Variants in DOCK8 observed in about 807,000 individuals in gnomAD.
DOCK8 encodes the protein dedicator of cytokinesis protein 8.
In DOCK8, 141 loss-of-function variants were observed where a neutral mutation model predicts 245.6. The ratio of observed to expected loss-of-function variants is 0.57; its 90% confidence interval spans 0.50 to 0.66. DOCK8 has a LOEUF of 0.66. Among genes scored for constraint, DOCK8 ranks in the 30% least tolerant of loss-of-function variants. DOCK8 has a pLI of 0.00. For synonymous variants in DOCK8, 1,168 were observed against 970.2 expected, an observed-to-expected ratio of 1.20 and a Z score of -3.79; for missense variants, 2,965 against 2,603.4, an observed-to-expected ratio of 1.14 and a Z score of -3.02.
chr9:292,480 T>A (rs2049087836), intron 4 of DOCK8, among the ~76,000 whole-genome samples: 1 of 151,036 alleles, frequency 6.6e-6, no homozygotes, highest in Admixed American at 6.6e-5. Context: ...ACATTTCCAA[T>A]TTTATTTGAT....
rs1261821606 is a variant in DOCK8 at position 439,340 on chromosome 9, G to C, written c.5175G>C (p.Glu1725Asp). 1.9e-6 allele frequency: 3 copies of C among 1,614,128 alleles called. No individual in the cohort carries two copies. The highest frequency in any genetic ancestry group is 2.2e-5 in the East Asian group (1 of 44,876). ...TGTGCGCAGGCCAGTACTTCACCGAGAGTGGCCTGGTAGGCCTCCTGGAGC... is the reference window on the plus strand; with the variant it reads ...TGTGCGCAGGCCAGTACTTCACCGACAGTGGCCTGGTAGGCCTCCTGGAGC... ...DGVCAGQYFTESGLVGLLEQA... is the reference protein window; with the variant it reads ...DGVCAGQYFTDSGLVGLLEQA... The change falls in exon 40 of 48, where the codon GAG becomes GAC. Residue 1725 changes from glutamate (E) to aspartate (D), a missense_variant. By Grantham distance (45) the Glu-to-Asp change is conservative. Coordinates refer to ENST00000432829, the MANE Select transcript of DOCK8 (RefSeq NM_203447.4).
In DOCK8 at chr9:273,178, G is replaced by GA. The variant is rs3215853; in HGVS notation, c.156+1454dup. 704,103 of 938,994 alleles carry GA rather than the reference G, an allele frequency of 0.75. 265,577 individuals are homozygous for GA. The highest frequency in any genetic ancestry group is 0.82 in the East Asian group (7,019 of 8,580). 58.2% of individuals were successfully genotyped at this position (938,994 alleles called of 1,614,324 possible). ...TGCGTCATTAATGAAATAGTAGTAC[G>GA]AAAAACCTATAGCATCTTTTACTGC... On this transcript the variant is annotated intron_variant, in intron 2 of 47. Transcript: ENST00000432829.
chr9:219,928 G>A (rs748616304), intron 1 of DOCK8, among the ~76,000 whole-genome samples: 22 of 152,116 alleles, frequency 1.4e-4, no homozygotes, highest in Non-Finnish European at 2.5e-4. Flanking sequence ...ATAATTTTGG[G>A]CATAACGACC....
intron 34 of DOCK8, among the ~76,000 whole-genome samples, chr9:427,352 A>G (rs572511413): frequency 5.3e-5 from 8 of 152,284 alleles, no homozygotes; most frequent in Middle Eastern, 3.4e-3. Flanking sequence ...CAGTTGAATG[A>G]TGGTCACTGT....
At chr9:400,977 T>TCACCACCACCTCCACCACCAC in intron 26 of DOCK8, among the ~76,000 whole-genome samples, 1 of 65,816 alleles carries the variant, frequency 1.5e-5, no homozygotes, top group Non-Finnish European at 2.7e-5. Context: ...TCCTCCACCA[T>TCACCACCACCTCCACCACCAC]CACCACCTCC....
At chr9:285,790 T>G (rs1272019184) in intron 2 of DOCK8, among the ~76,000 whole-genome samples, 1 of 152,138 alleles carries the variant, frequency 6.6e-6, no homozygotes, top group Non-Finnish European at 1.5e-5. Context: ...AGTGAGTAAA[T>G]TTAGCTATAT....
At chr9:308,268 G>C (rs1295642449) in intron 5 of DOCK8, among the ~76,000 whole-genome samples, 1 of 152,170 alleles carries the variant, frequency 6.6e-6, no homozygotes, top group Non-Finnish European at 1.5e-5. Context: ...ACCCTGATTT[G>C]ATCATTACAC....
intron 25 of DOCK8, 145 bp from the exon 26 acceptor site, chr9:399,001 A>G (rs1006671856): frequency 2.8e-6 from 2 of 714,394 alleles, no homozygotes; most frequent in Admixed American, 2.0e-5. Flanking sequence ...TAGTTAAAGG[A>G]GACTCAACTA....
In DOCK8 at chr9:307,338, GTTTTTTTTTTTTTTTTT is replaced by G. The variant is rs1165775428; in HGVS notation, c.528+2656_528+2672del. ...CACTGTGTTGTGTGTGGTTTTTTTT[GTTTTTTTTTTTTTTTTT>G]TTTTTTTTTTTTTTTTTTTTTGAGA... is the stretch of plus-strand genomic sequence containing the variant. On this transcript the variant is annotated intron_variant, in intron 5 of 47. Transcript: ENST00000432829. Among the ~76,000 whole-genome samples, 41 of 51,244 alleles carry G rather than the reference GTTTTTTTTTTTTTTTTT, an allele frequency of 8.0e-4. 1 individual carries two copies. The highest frequency in any genetic ancestry group is 5.7e-3 in the Admixed American group (21 of 3,708). 33.6% of individuals were successfully genotyped at this position (51,244 alleles called of 152,430 possible). A position where few individuals can be genotyped will look rare whatever the true frequency, so the allele number is the denominator to read the frequency against.
intron 46 of DOCK8, among the ~76,000 whole-genome samples, chr9:457,711 C>T (rs2057683846): frequency 6.6e-6 from 1 of 152,168 alleles, no homozygotes; most frequent in African/African-American, 2.4e-5. Context: ...GACTAGAATA[C>T]AGCATCTCTA....
At chr9:339,149 C>T (rs757971294) in intron 13 of DOCK8, 50 bp downstream of exon 13, 42 of 1,459,642 alleles carry the variant, frequency 2.9e-5, no homozygotes, top group East Asian at 1.1e-4. Flanking sequence ...AACTGCTTAT[C>T]GTTAGACACA....
chr9:427,558 T>C (rs16906545), intron 34 of DOCK8, among the ~76,000 whole-genome samples: 1,950 of 152,286 alleles, frequency 0.013, 34 homozygotes, highest in African/African-American at 0.044. Context: ...TTTCCACAAA[T>C]TCCCAAGCTG....
At chr9:420,261 C>T (rs565870454) in intron 30 of DOCK8, 140 bp from the exon 31 acceptor site, 1 of 945,088 alleles carries the variant, frequency 1.1e-6, no homozygotes, top group South Asian at 1.4e-5. Context: ...GGCAATAGAT[C>T]TCCAGCCTAG....
At chr9:383,101 A>T (rs2053793664) in intron 22 of DOCK8, among the ~76,000 whole-genome samples, 1 of 152,202 alleles carries the variant, frequency 6.6e-6, no homozygotes, top group Non-Finnish European at 1.5e-5. Flanking sequence ...TTATCTCACA[A>T]AAAAGTCCAA....
chr9:244,467 C>G (rs1289295964), intron 1 of DOCK8, among the ~76,000 whole-genome samples: 1 of 152,022 alleles, frequency 6.6e-6, no homozygotes, highest in African/African-American at 2.4e-5. Flanking sequence ...GCACAGAGCA[C>G]TCTCTACTGT....
intron 1 of DOCK8, among the ~76,000 whole-genome samples, chr9:253,237 G>A (rs186567934): frequency 2.6e-5 from 4 of 152,162 alleles, no homozygotes; most frequent in African/African-American, 7.2e-5. Context: ...ACTGTACTAA[G>A]GTTTAGTTTG....
chr9:259,712 A>T (rs529156304), intron 1 of DOCK8, among the ~76,000 whole-genome samples: 25 of 152,322 alleles, frequency 1.6e-4, no homozygotes, highest in Admixed American at 3.9e-4. Context: ...CAATCCTAAT[A>T]ATCAGTAAGT....
chr9:370,159 G>A, intron 15 of DOCK8, 71 bp from the exon 16 acceptor site: 1 of 1,293,774 alleles, frequency 7.7e-7, no homozygotes. Context: ...ACATCCTGTT[G>A]GCCTGATGAT....
chr9:235,994 T>C (rs1360910089), intron 1 of DOCK8, among the ~76,000 whole-genome samples: 1 of 152,212 alleles, frequency 6.6e-6, no homozygotes, highest in African/African-American at 2.4e-5. Flanking sequence ...TCTGTGTCGC[T>C]CACGCTGGGA....
Sources: allele counts gnomAD v4.1 joint callset (sites outside exome capture counted in the v4.1 genomes callset), GRCh38; gene constraint gnomAD v4.1.1; transcripts MANE v1.5; gene names NCBI Gene and HGNC (gene_info 2026-07-23, HGNC 2026-07-21).